Variants in NIPAL2 observed in about 807,000 individuals in gnomAD.
NIPAL2 encodes the protein NIPA-like protein 2.
In NIPAL2, 43 loss-of-function variants were observed where a neutral mutation model predicts 48.9. The ratio of observed to expected loss-of-function variants is 0.88; its 90% CI spans 0.69 to 1.13. NIPAL2 has a LOEUF of 1.13. NIPAL2 is among the 50% of genes most tolerant of loss of function. The pLI is 0.00. For synonymous variants in NIPAL2, 167 were observed against 174.6 expected (o/e 0.96, Z 0.34); for missense variants, 446 against 461.4 (o/e 0.97, Z 0.31).
chr8:98,282,106 A>G (rs1323839287), intron 1 of NIPAL2, among the ~76,000 whole-genome samples: 1 of 152,022 alleles, frequency 6.6e-6, no homozygotes, highest in Non-Finnish European at 1.5e-5. Flanking sequence ...TGTTCAGCCT[A>G]CTCCAGGGAT....
intron 4 of NIPAL2, among the ~76,000 whole-genome samples, chr8:98,233,339 G>GAT (rs1812538500): frequency 1.3e-5 from 1 of 76,964 alleles, no homozygotes; most frequent in Admixed American, 1.5e-4. Context: ...TTGTTTTCTT[G>GAT]ATGTGTGTGT....
chr8:98,286,825 A>C (rs1347877419), intron 1 of NIPAL2, among the ~76,000 whole-genome samples: 3 of 147,288 alleles, frequency 2.0e-5, no homozygotes, highest in Non-Finnish European at 3.0e-5. Context: ...AAAAAAAAAA[A>C]AAAAAAAAAC....
intron 3 of NIPAL2, among the ~76,000 whole-genome samples, chr8:98,243,467 G>A (rs1051158413): frequency 2.0e-4 from 30 of 152,232 alleles, no homozygotes; most frequent in Admixed American, 1.6e-3. Context: ...GCACTTCCTC[G>A]TGCTTCTTGA....
chr8:98,212,050 T>G (rs1288667718), intron 6 of NIPAL2, among the ~76,000 whole-genome samples: 1 of 152,172 alleles, frequency 6.6e-6, no homozygotes, highest in Non-Finnish European at 1.5e-5. Flanking sequence ...ATAGTATAGG[T>G]CTTGCTAACC....
intron 5 of NIPAL2, among the ~76,000 whole-genome samples, chr8:98,214,137 G>C (rs1811454653): frequency 6.6e-6 from 1 of 151,364 alleles, no homozygotes; most frequent in South Asian, 2.1e-4. Flanking sequence ...GTGTAATTTT[G>C]AGTTCTCAGT....
rs531717322 is a variant in NIPAL2, at chr8:98,236,352, T to A, written c.377-138A>T. ...ATCAGAGACATTCAGCAGTTGTGGC[T>A]ATAAAAAGGCCTTTCTTCCCCCTGT... On this transcript the variant is annotated intron_variant, in intron 3 of 10. Coordinates refer to ENST00000430223, the MANE Select transcript of NIPAL2 (RefSeq NM_001321635.2). 1.0e-4 allele frequency: 57 copies of A among 555,306 alleles called. 1 individual carries two copies. In the South Asian group the frequency reaches 1.3e-3, roughly 13 times the overall value. 34.4% of individuals were successfully genotyped at this position (555,306 alleles called of 1,614,324 possible). A position where few individuals can be genotyped will look rare whatever the true frequency, so the allele number is the denominator to read the frequency against.
Position 98,194,757 on chromosome 8 carries a change from T to C in NIPAL2, c.1010A>G (p.Gln337Arg), listed in dbSNP as rs770965672. 6.4e-7 allele frequency: 1 copy of C among 1,573,796 alleles called. No homozygotes were observed. Residue 337 changes from glutamine (Q) to arginine (R), a missense_variant, in exon 10 of 11, where the codon CAG becomes CGG. By Grantham distance (43) the Gln-to-Arg change is conservative. Transcript: ENST00000430223. Reference protein sequence around the residue: ...TRNREKEHLQQSYIDFGNIPG... With the variant: ...TRNREKEHLQRSYIDFGNIPG... ...AATATTTCCAAAATCAATATAAGAC[T>C]GTTGCAGATGTTCCTTTTCTCGATT...
chr8:98,292,308 C>T (rs527916182), intron 1 of NIPAL2, among the ~76,000 whole-genome samples: 1 of 152,292 alleles, frequency 6.6e-6, no homozygotes, highest in African/African-American at 2.4e-5. Flanking sequence ...CAATAAAATG[C>T]TTCTCGAGTA....
intron 3 of NIPAL2, among the ~76,000 whole-genome samples, chr8:98,248,386 T>C (rs1213577420): frequency 1.3e-5 from 2 of 152,228 alleles, no homozygotes; most frequent in South Asian, 2.1e-4. Context: ...TTACAAATCA[T>C]AGTGACAATA....
chr8:98,269,712 CAG>C (rs1815009001), intron 1 of NIPAL2, among the ~76,000 whole-genome samples: 1 of 151,968 alleles, frequency 6.6e-6, no homozygotes, highest in South Asian at 2.1e-4. Flanking sequence ...CTTTTAGATT[CAG>C]GGGGTACATG....
chr8:98,218,068 A>C (rs1165598419), intron 5 of NIPAL2, among the ~76,000 whole-genome samples: 1 of 152,234 alleles, frequency 6.6e-6, no homozygotes, highest in Admixed American at 6.5e-5. Context: ...GGATCTCTTC[A>C]AATGTTTTCT....
chr8:98,221,708 T>C (rs187652577), intron 5 of NIPAL2, among the ~76,000 whole-genome samples: 1 of 152,286 alleles, frequency 6.6e-6, no homozygotes, highest in Non-Finnish European at 1.5e-5. Flanking sequence ...TCATCACTGG[T>C]CATTAGAGAA....
intron 4 of NIPAL2, among the ~76,000 whole-genome samples, chr8:98,229,606 G>T (rs1812341169): frequency 6.6e-6 from 1 of 152,058 alleles, no homozygotes; most frequent in African/African-American, 2.4e-5. Flanking sequence ...TCGAACTCCT[G>T]GTCTCAAGTG....
chr8:98,252,338 G>T, intron 3 of NIPAL2, 125 bp downstream of exon 3: 1 of 879,180 alleles, frequency 1.1e-6, no homozygotes. Flanking sequence ...ATTGTTCCAT[G>T]TTAACGTGAT....
At chr8:98,212,325 G>A in intron 6 of NIPAL2, 80 bp downstream of exon 6, 1 of 736,610 alleles carries the variant, frequency 1.4e-6, no homozygotes, top group Non-Finnish European at 2.4e-6. Context: ...GGAGTAGAAT[G>A]CTTAAGTATT....
At chr8:98,252,948 A>C (rs1230411470) in intron 2 of NIPAL2, among the ~76,000 whole-genome samples, 1 of 152,058 alleles carries the variant, frequency 6.6e-6, no homozygotes, top group Non-Finnish European at 1.5e-5. Flanking sequence ...TTTAAATTGC[A>C]TGCTTTTCTG....
chr8:98,221,015 G>T (rs1318224109), intron 5 of NIPAL2, among the ~76,000 whole-genome samples: 1 of 113,628 alleles, frequency 8.8e-6, no homozygotes, highest in Non-Finnish European at 1.6e-5. Context: ...TGCTCTTGTC[G>T]CCCAGACTGG....
At chr8:98,255,123 T>C (rs1465625753) in intron 1 of NIPAL2, among the ~76,000 whole-genome samples, 1 of 152,240 alleles carries the variant, frequency 6.6e-6, no homozygotes, top group Non-Finnish European at 1.5e-5. Context: ...ATTGAAGATT[T>C]AATAAACACC....
At chr8:98,236,578 T>C (rs1428824733) in intron 3 of NIPAL2, among the ~76,000 whole-genome samples, 1 of 151,908 alleles carries the variant, frequency 6.6e-6, no homozygotes, top group Non-Finnish European at 1.5e-5. Context: ...GAAAGAAGGA[T>C]GGGGCAGGGT....
Sources: gnomAD v4.1 joint callset for allele counts (sites outside exome capture counted in the v4.1 genomes callset) on GRCh38, gnomAD v4.1.1 for gene constraint, MANE v1.5 for transcripts, NCBI Gene and HGNC (gene_info 2026-07-23, HGNC 2026-07-21) for gene names.